Variants in JAZF1 observed in about 807,000 individuals in gnomAD.
JAZF1 encodes the protein juxtaposed with another zinc finger protein 1.
Under a neutral mutation model 26.4 loss-of-function variants are expected in JAZF1, and 8 were observed. That is an observed-to-expected ratio of 0.30 (90% CI 0.18 to 0.55). The LOEUF is 0.55. Among genes scored for constraint, JAZF1 ranks in the 20% least tolerant of loss-of-function variants. JAZF1 has a pLI of 0.94. For missense variants in JAZF1, 199 were observed against 322.0 expected, an observed-to-expected ratio of 0.62 and a Z score of 2.92; for synonymous variants, 126 against 122.3, an observed-to-expected ratio of 1.03 and a Z score of -0.20.
rs117569345 is a variant in JAZF1 at position 28,042,049 on chromosome 7, C to T, written c.116-50068G>A. Among the ~76,000 whole-genome samples, 794 of 152,342 alleles carry T rather than the reference C, an allele frequency of 5.2e-3. 4 individuals are homozygous for T. Among genetic ancestry groups the T allele is most frequent in the Middle Eastern group, 0.014 (4 of 294 alleles). On this transcript the variant is annotated intron_variant, in intron 1 of 4. Transcript: ENST00000283928. ...CCCTGGGTGCCTAAAAGAGGCAGCC[C>T]TCTTGGGGAAGCACAGAAGTAAACA...
chr7:28,103,795 C>T (rs539955615), intron 1 of JAZF1, among the ~76,000 whole-genome samples: 5 of 152,266 alleles, frequency 3.3e-5, no homozygotes, highest in South Asian at 4.1e-4. Flanking sequence ...ATTGCAATCC[C>T]CTCTTAATCA....
At chr7:28,157,009 T>C (rs1027228396) in intron 1 of JAZF1, among the ~76,000 whole-genome samples, 5 of 152,218 alleles carry the variant, frequency 3.3e-5, no homozygotes, top group Admixed American at 6.5e-5. Flanking sequence ...AAGATGACCT[T>C]CGATATCCTT....
chr7:28,013,162 A>C (rs910158287), intron 1 of JAZF1, among the ~76,000 whole-genome samples: 7 of 151,876 alleles, frequency 4.6e-5, no homozygotes, highest in African/African-American at 1.7e-4. Context: ...ACCTGAGTGC[A>C]CCCCCGGTGA....
At chr7:27,951,155 G>T (rs1216756567) in intron 2 of JAZF1, among the ~76,000 whole-genome samples, 1 of 152,060 alleles carries the variant, frequency 6.6e-6, no homozygotes, top group Non-Finnish European at 1.5e-5. Flanking sequence ...CCATAGTAAG[G>T]ACTCAATAAA....
At chr7:27,895,121 G>A (rs996864757) in intron 3 of JAZF1, 99 bp downstream of exon 3, 65 of 643,598 alleles carry the variant, frequency 1.0e-4, no homozygotes, top group Non-Finnish European at 1.4e-4. Context: ...GGTCTGTGTC[G>A]TCATCTGTCC....
intron 2 of JAZF1, among the ~76,000 whole-genome samples, chr7:27,899,206 G>C (rs772940227): frequency 6.6e-6 from 1 of 152,196 alleles, no homozygotes; most frequent in African/African-American, 2.4e-5. Context: ...GGAGCCATTT[G>C]GGGAGACAAA....
intron 1 of JAZF1, among the ~76,000 whole-genome samples, chr7:28,110,515 A>AAAGGAAAGG (rs1562590947): frequency 1.7e-5 from 1 of 58,948 alleles, no homozygotes; most frequent in Non-Finnish European, 2.9e-5. Flanking sequence ...AAAGGAAAGG[A>AAAGGAAAGG]AAAGGAAAAG....
In JAZF1 at chr7:28,180,728, A is replaced by AG; in HGVS notation, c.-152dup. The AG allele has an allele frequency of 2.3e-6, 1 of 438,896 alleles. No individual in the cohort carries two copies. Among genetic ancestry groups the AG allele is most frequent in the South Asian group, 2.7e-5 (1 of 37,570 alleles). The allele number at this position is 438,896 out of a possible 1,614,324, so 27.2% of individuals were successfully genotyped here. Reference sequence around the variant, plus strand: ...AGCGGCGAGGACGGGACGGAGGGAGAGGGGGCGAGAGAGATGGAAGGAGAG... The same window carrying AG: ...AGCGGCGAGGACGGGACGGAGGGAGAGGGGGGCGAGAGAGATGGAAGGAGAG... On this transcript the variant is annotated 5_prime_UTR_variant, in exon 1 of 5. Coordinates refer to ENST00000283928, the MANE Select transcript of JAZF1 (RefSeq NM_175061.4).
At chr7:27,929,681 TC>T (rs1784654694) in intron 2 of JAZF1, among the ~76,000 whole-genome samples, 3 of 152,278 alleles carry the variant, frequency 2.0e-5, no homozygotes, top group Admixed American at 2.0e-4. Context: ...ATGAGGTTTA[TC>T]CCATCTGTAC....
chr7:27,888,616 T>A (rs1342936420), intron 3 of JAZF1, among the ~76,000 whole-genome samples: 1 of 152,196 alleles, frequency 6.6e-6, no homozygotes, highest in African/African-American at 2.4e-5. Context: ...TTGCTGTGTA[T>A]TAATAACTCC....
At chr7:28,017,824 A>G (rs1270547784) in intron 1 of JAZF1, among the ~76,000 whole-genome samples, 2 of 152,184 alleles carry the variant, frequency 1.3e-5, no homozygotes, top group African/African-American at 4.8e-5. Flanking sequence ...CCCAGGCTGG[A>G]GTGCAGTGGC....
At chr7:28,029,506 T>G (rs1449511942) in intron 1 of JAZF1, among the ~76,000 whole-genome samples, 3 of 152,210 alleles carry the variant, frequency 2.0e-5, no homozygotes, top group African/African-American at 7.2e-5. Context: ...AGGCAACTGC[T>G]TTCTTTATCC....
At chr7:28,166,987 G>A (rs1272526282) in intron 1 of JAZF1, among the ~76,000 whole-genome samples, 1 of 152,162 alleles carries the variant, frequency 6.6e-6, no homozygotes, top group Non-Finnish European at 1.5e-5. Context: ...AGACTTTGAG[G>A]AGTATGTGGC....
chr7:28,094,822 G>A (rs1047952868), intron 1 of JAZF1, among the ~76,000 whole-genome samples: 12 of 152,004 alleles, frequency 7.9e-5, no homozygotes, highest in African/African-American at 1.5e-4. Context: ...ACCAAGGGCC[G>A]AGCTGCGCCT....
intron 2 of JAZF1, among the ~76,000 whole-genome samples, chr7:27,928,099 G>A (rs1398901217): frequency 2.0e-5 from 3 of 152,186 alleles, no homozygotes; most frequent in Non-Finnish European, 4.4e-5. Flanking sequence ...CAAATGGTAT[G>A]TGATGGCTAT....
At chr7:27,849,520 A>G (rs1260013158) in intron 3 of JAZF1, among the ~76,000 whole-genome samples, 2 of 152,132 alleles carry the variant, frequency 1.3e-5, no homozygotes, top group African/African-American at 4.8e-5. Flanking sequence ...TTCATACTCC[A>G]TGGTTTCATA....
At chr7:28,057,741 C>A (rs962269760) in intron 1 of JAZF1, among the ~76,000 whole-genome samples, 4 of 152,068 alleles carry the variant, frequency 2.6e-5, no homozygotes, top group Non-Finnish European at 4.4e-5. Context: ...AATGTATTGG[C>A]CCCAAATTTT....
intron 1 of JAZF1, among the ~76,000 whole-genome samples, chr7:28,090,439 T>C (rs1342678874): frequency 6.6e-6 from 1 of 152,240 alleles, no homozygotes; most frequent in Non-Finnish European, 1.5e-5. Flanking sequence ...ACTTTAAACA[T>C]TATTAAATCA....
chr7:28,012,964 C>T (rs966509682), intron 1 of JAZF1, among the ~76,000 whole-genome samples: 1 of 152,184 alleles, frequency 6.6e-6, no homozygotes, highest in Non-Finnish European at 1.5e-5. Context: ...GGTAAAGTGA[C>T]CCTCCCATCT....
Sources: allele counts gnomAD v4.1 joint callset (sites outside exome capture counted in the v4.1 genomes callset), GRCh38; gene constraint gnomAD v4.1.1; transcripts MANE v1.5; gene names NCBI Gene and HGNC (gene_info 2026-07-23, HGNC 2026-07-21).